The following NLRP5 variants were observed in gnomAD, a reference collection of about 807,000 sequenced individuals.
NLRP5 encodes the protein NACHT, LRR and PYD domains-containing protein 5.
In NLRP5, 93 loss-of-function variants were observed where a neutral mutation model predicts 113.1. The observed-to-expected ratio is 0.82, with a 90% CI of 0.70 to 0.98. The LOEUF is 0.98. Among genes scored for constraint, NLRP5 ranks in the 50% least tolerant of loss-of-function variants. NLRP5 has a pLI of 0.00. For synonymous variants in NLRP5, 751 were observed against 600.7 expected (o/e 1.25, Z -3.66); for missense variants, 1,808 against 1,514.3 (o/e 1.19, Z -3.22).
At chr19:56,042,564 G>C (rs1287016729) in intron 11 of NLRP5, among the ~76,000 whole-genome samples, 3 of 151,538 alleles carry the variant, frequency 2.0e-5, no homozygotes, top group African/African-American at 7.3e-5. Flanking sequence ...GTCTAGGCTT[G>C]TCTTGAACTC....
At chr19:56,047,647 A>G (rs1238412586) in intron 11 of NLRP5, among the ~76,000 whole-genome samples, 1 of 152,148 alleles carries the variant, frequency 6.6e-6, no homozygotes, top group African/African-American at 2.4e-5. Context: ...ATGGCCTGTT[A>G]TGGTCTATCT....
In NLRP5 at chr19:55,999,780, C is replaced by T; in HGVS notation, c.55C>T (p.Pro19Ser). The change falls in exon 1 of 15, where the codon CCA becomes TCA. Residue 19 changes from proline to serine, a missense_variant. Pro to Ser is a moderately conservative substitution (Grantham distance 74). Transcript: ENST00000390649. Reference sequence around the variant, plus strand: ...AGCTGCTGCTCTGCTCTCAGCATCACCACGTGCGTCGACAGCCTCTTAGAG... The same window carrying T: ...AGCTGCTGCTCTGCTCTCAGCATCATCACGTGCGTCGACAGCCTCTTAGAG... 6.2e-7 allele frequency: 1 copy of T among 1,613,128 alleles called. No homozygotes were observed. Among genetic ancestry groups the T allele is most frequent in the Non-Finnish European group, 8.5e-7 (1 of 1,179,164 alleles).
intron 7 of NLRP5, among the ~76,000 whole-genome samples, chr19:56,030,776 G>A (rs913211389): frequency 1.3e-4 from 17 of 130,684 alleles, no homozygotes; most frequent in African/African-American, 4.3e-4. Flanking sequence ...GTGCAGTGGT[G>A]CGATCTCAGC....
At chr19:56,010,419 G>A (rs1186849499) in intron 3 of NLRP5, among the ~76,000 whole-genome samples, 11 of 152,050 alleles carry the variant, frequency 7.2e-5, no homozygotes, top group Admixed American at 4.6e-4. Flanking sequence ...ACAGGCCTTC[G>A]TCGTTGCTCC....
intron 11 of NLRP5, 115 bp downstream of exon 11, chr19:56,041,207 C>T (rs1599903070): frequency 3.2e-6 from 3 of 925,826 alleles, no homozygotes; most frequent in East Asian, 4.9e-5. Context: ...ATGAAGGGAC[C>T]TGGTATATGC....
chr19:56,005,350 CATATA>C (rs1042970817), intron 2 of NLRP5, among the ~76,000 whole-genome samples: 1 of 116,918 alleles, frequency 8.6e-6, no homozygotes, highest in Non-Finnish European at 1.9e-5. Context: ...TACACATACA[CATATA>C]TTTTTATATA....
At chr19:56,000,510 G>T (rs1229780626) in intron 1 of NLRP5, among the ~76,000 whole-genome samples, 4 of 151,628 alleles carry the variant, frequency 2.6e-5, no homozygotes, top group Non-Finnish European at 5.9e-5. Context: ...GACTACAGGC[G>T]CCCGCCACCA....
chr19:56,020,396 A>C lies in NLRP5; in HGVS notation c.644A>C (p.Gln215Pro). The C allele has an allele frequency of 6.2e-7, 1 of 1,613,422 alleles. No individual in the cohort carries two copies. Among genetic ancestry groups the C allele is most frequent in the Non-Finnish European group, 8.5e-7 (1 of 1,179,658 alleles). ...GCAGAAATTTCACAAGCTATGGAACAAGAAGGTGCCACAGCAGCAGAGACA... is the reference window on the plus strand; with the variant it reads ...GCAGAAATTTCACAAGCTATGGAACCAGAAGGTGCCACAGCAGCAGAGACA... Residue 215 changes from glutamine to proline, a missense_variant, in exon 6 of 15, where the codon CAA becomes CCA. Transcript: ENST00000390649.
At chr19:56,024,592 C>T (rs1231826408) in intron 6 of NLRP5, among the ~76,000 whole-genome samples, 7 of 150,506 alleles carry the variant, frequency 4.7e-5, no homozygotes, top group African/African-American at 1.5e-4. Context: ...CATACACACA[C>T]ACACACACAC....
Position 56,047,435 on chromosome 19 carries a change from A to G in NLRP5, c.2958-2983A>G, listed in dbSNP as rs551885378. On this transcript the variant is annotated intron_variant, in intron 11 of 14. Coordinates refer to ENST00000390649, the MANE Select transcript of NLRP5 (RefSeq NM_153447.4). ...CCCAGAGGTTTTGATAGATTGTGTC[A>G]TTGTTGTTCAGTCTGAAGAATTTTT... Among the ~76,000 whole-genome samples, 5 of 147,864 alleles carry G rather than the reference A, an allele frequency of 3.4e-5. No homozygotes were observed. In the South Asian group the frequency reaches 6.5e-4, roughly 19 times the overall value.
the NLRP5 span, among the ~76,000 whole-genome samples, chr19:55,992,172 A>G: frequency 3.3e-5 from 5 of 152,174 alleles, no homozygotes; most frequent in African/African-American, 1.2e-4. Flanking sequence ...CCCCAGTTCC[A>G]TCCATGTTCC....
At chr19:55,997,785 C>A (rs1250091808), upstream of NLRP5, among the ~76,000 whole-genome samples, 1 of 151,962 alleles carries the variant, frequency 6.6e-6, no homozygotes, top group African/African-American at 2.4e-5. Context: ...ATCACTTGAC[C>A]CCAGAAGGCA....
chr19:56,046,033 G>A lies in NLRP5; in HGVS notation c.2958-4385G>A, dbSNP rs1983710778. ...CTCAGAAGACCTCAGTCTTATTCCA[G>A]TTCTCAAAGGGAATGCTTTCAACTT... On this transcript the variant is annotated intron_variant, in intron 11 of 14. Coordinates refer to ENST00000390649, the MANE Select transcript of NLRP5 (RefSeq NM_153447.4). 2.0e-5 allele frequency among the ~76,000 whole-genome samples: 3 copies of A among 152,164 alleles called. No individual in the cohort carries two copies. The South Asian group carries it at 6.2e-4, about 32-fold the overall frequency.
intron 6 of NLRP5, among the ~76,000 whole-genome samples, chr19:56,025,550 C>G (rs965030548): frequency 6.8e-6 from 1 of 147,828 alleles, no homozygotes; most frequent in African/African-American, 2.5e-5. Context: ...GCATTACAGG[C>G]GCCCGCCAAC....
chr19:55,998,188 C>G (rs552369762), upstream of NLRP5, among the ~76,000 whole-genome samples: 52 of 152,074 alleles, frequency 3.4e-4, no homozygotes, highest in South Asian at 0.01. Context: ...TTCAGACATT[C>G]TAAAATTATA....
rs1277513683 is a variant in NLRP5, at chr19:56,033,608, C to G, written c.2514C>G (p.Asn838Lys). The G allele has an allele frequency of 1.2e-6, 2 of 1,613,598 alleles. No individual in the cohort carries two copies. Among genetic ancestry groups the G allele is most frequent in the African/African-American group, 1.3e-5 (1 of 74,876 alleles). ...GGAGAATCGTCATGGCCAACCGTAA[C>G]CTAAGATCCCTCAACTTGGGAGGCA... is the stretch of plus-strand genomic sequence containing the variant. The change falls in exon 9 of 15, where the codon AAC becomes AAG. Residue 838 changes from asparagine to lysine, a missense_variant. By Grantham distance (94) the Asn-to-Lys change is moderately conservative. Coordinates refer to ENST00000390649, the MANE Select transcript of NLRP5 (RefSeq NM_153447.4).
chr19:55,997,325 T>A (rs1403727808), upstream of NLRP5, among the ~76,000 whole-genome samples: 1 of 152,302 alleles, frequency 6.6e-6, no homozygotes, highest in South Asian at 2.1e-4. Flanking sequence ...TGGGGAATGA[T>A]CTTTTTGATG....
At chr19:55,990,717 C>G in the NLRP5 span, among the ~76,000 whole-genome samples, 2 of 151,806 alleles carry the variant, frequency 1.3e-5, no homozygotes, top group Non-Finnish European at 2.9e-5. Flanking sequence ...CCCAGCTACT[C>G]GGGAGGCTGA....
rs1471468616 is a variant in NLRP5 at position 56,054,554 on chromosome 19, T to C, written c.3299+746T>C. Among the ~76,000 whole-genome samples the C allele has an allele frequency of 4.9e-5, 5 of 101,390 alleles. No individual in the cohort carries two copies. In the East Asian group the frequency reaches 1.3e-3, roughly 27 times the overall value. The allele number at this position is 101,390 out of a possible 152,430, so 66.5% of individuals were successfully genotyped here. The stretch of plus-strand genomic sequence containing the variant: ...GCTTGGGTGACAGAGTGAGACTCCA[T>C]CTCAAAAAAAGTGAAAAAAAAAAAA... On this transcript the variant is annotated intron_variant, in intron 13 of 14. Transcript: ENST00000390649.
Sources: gnomAD v4.1 joint callset for allele counts (sites outside exome capture counted in the v4.1 genomes callset) on GRCh38, gnomAD v4.1.1 for gene constraint, MANE v1.5 for transcripts, NCBI Gene and HGNC (gene_info 2026-07-23, HGNC 2026-07-21) for gene names.